Variants in RUNX1 observed in about 807,000 individuals in gnomAD.
RUNX1 encodes the protein RUNX family transcription factor 1.
Under a neutral mutation model 42.8 loss-of-function variants are expected in RUNX1, and 19 were observed. The ratio of observed to expected loss-of-function variants is 0.44; its 90% CI spans 0.31 to 0.65. The LOEUF (loss-of-function observed/expected upper bound fraction) is 0.65. Among genes scored for constraint, RUNX1 ranks in the 30% least tolerant of loss-of-function variants. The pLI is 0.07. For synonymous variants in RUNX1, 271 were observed against 289.4 expected (o/e 0.94, Z 0.64); for missense variants, 528 against 672.0 (o/e 0.79, Z 2.37).
intron 4 of RUNX1, among the ~76,000 whole-genome samples, chr21:34,882,509 ATAG>A (rs1476201329): frequency 3.3e-5 from 5 of 152,130 alleles, no homozygotes; most frequent in African/African-American, 1.2e-4. Flanking sequence ...TGTTTTCCAT[ATAG>A]GAGATTTTAA....
chr21:35,034,270 C>A (rs986950396), intron 2 of RUNX1, among the ~76,000 whole-genome samples: 1 of 152,212 alleles, frequency 6.6e-6, no homozygotes, highest in Non-Finnish European at 1.5e-5. Context: ...GCCAGCAGGC[C>A]AGAGTCATGG....
intron 6 of RUNX1, among the ~76,000 whole-genome samples, chr21:34,845,761 T>G (rs2057306114): frequency 6.6e-6 from 1 of 151,634 alleles, no homozygotes; most frequent in African/African-American, 2.4e-5. Context: ...CTTCATTTTC[T>G]CAGCAGCTGC....
rs143907831 is a variant in RUNX1, at chr21:34,931,234, A to G, written c.59-38271T>C. On this transcript the variant is annotated intron_variant, in intron 2 of 8. Transcript: ENST00000675419. ...ACTTCTTTAGAATCCCTCCAATAAT[A>G]TTATTATTTTTCTAAGCGTCTGGAA... is the stretch of plus-strand genomic sequence containing the variant. Among the ~76,000 whole-genome samples the G allele has an allele frequency of 1.2e-3, 175 of 151,444 alleles. 3 individuals carry two copies. Among genetic ancestry groups the G allele is most frequent in the Middle Eastern group, 0.01 (3 of 292 alleles).
intron 2 of RUNX1, among the ~76,000 whole-genome samples, chr21:35,009,796 ACT>A (rs918522282): frequency 2.2e-4 from 33 of 152,150 alleles, no homozygotes; most frequent in African/African-American, 8.0e-4. Context: ...TTAAAGGGTG[ACT>A]CTAATTTTTT....
intron 2 of RUNX1, among the ~76,000 whole-genome samples, chr21:34,966,982 A>G (rs1045122388): frequency 1.3e-5 from 2 of 152,126 alleles, no homozygotes; most frequent in Admixed American, 1.3e-4. Context: ...TCATGCAATT[A>G]TCCAATTTCT....
chr21:34,852,169 A>AAAAACAAAACAAAAC (rs3831802), intron 6 of RUNX1, among the ~76,000 whole-genome samples: 3 of 150,974 alleles, frequency 2.0e-5, no homozygotes, highest in Non-Finnish European at 3.0e-5. Flanking sequence ...CTCTGTCTCA[A>AAAAACAAAACAAAAC]AAAACAAAAC....
intron 5 of RUNX1, among the ~76,000 whole-genome samples, chr21:34,867,649 GATGTTCTC>G (rs1398260201): frequency 2.6e-5 from 4 of 152,170 alleles, no homozygotes; most frequent in African/African-American, 7.2e-5. Context: ...AAAACACCAT[GATGTTCTC>G]ATGCAATCTT....
chr21:34,959,352 C>G (rs1292276217), intron 2 of RUNX1, among the ~76,000 whole-genome samples: 1 of 152,166 alleles, frequency 6.6e-6, no homozygotes, highest in African/African-American at 2.4e-5. Flanking sequence ...CGCAAGCTCT[C>G]TGTCCCTCAG....
At position 34,789,238 on chromosome 21, in the gene RUNX1, G is replaced by C. The variant is rs910771558; in HGVS notation, c.*2897C>G. Reference sequence around the variant, plus strand: ...TGTTCTGAAATTTGGTACTGGGTGGGGGTATGTGCTATCTGCTTAAGAGAA... The same window carrying C: ...TGTTCTGAAATTTGGTACTGGGTGGCGGTATGTGCTATCTGCTTAAGAGAA... On this transcript the variant is annotated 3_prime_UTR_variant, in exon 9 of 9. Transcript: ENST00000675419. 1.7e-5 allele frequency: 4 copies of C among 233,398 alleles called. No individual in the cohort carries two copies. Among genetic ancestry groups the C allele is most frequent in the Non-Finnish European group, 8.5e-6 (1 of 118,174 alleles). The allele number at this position is 233,398 out of a possible 1,614,324, so 14.5% of individuals were successfully genotyped here.
chr21:34,864,722 C>A (rs528039274), intron 5 of RUNX1, among the ~76,000 whole-genome samples: 1 of 152,218 alleles, frequency 6.6e-6, no homozygotes, highest in East Asian at 1.9e-4. Context: ...ACCCTGACCA[C>A]CACAGCAGCA....
chr21:34,962,350 G>A (rs2146710258), intron 2 of RUNX1, among the ~76,000 whole-genome samples: 1 of 152,334 alleles, frequency 6.6e-6, no homozygotes, highest in Admixed American at 6.5e-5. Flanking sequence ...ACAACTAAGA[G>A]TTTGTTTAGA....
At chr21:34,845,759 T>A (rs914708603) in intron 6 of RUNX1, among the ~76,000 whole-genome samples, 16 of 152,142 alleles carry the variant, frequency 1.1e-4, no homozygotes, top group Non-Finnish European at 2.1e-4. Flanking sequence ...TCCTTCATTT[T>A]CTCAGCAGCT....
chr21:35,007,606 G>A (rs762758419), intron 2 of RUNX1, among the ~76,000 whole-genome samples: 45 of 152,218 alleles, frequency 3.0e-4, no homozygotes, highest in Non-Finnish European at 1.6e-4. Context: ...CAGCCCTTTT[G>A]GGTACCAGAG....
At chr21:34,922,193 G>A (rs1412126407) in intron 2 of RUNX1, among the ~76,000 whole-genome samples, 1 of 152,128 alleles carries the variant, frequency 6.6e-6, no homozygotes, top group East Asian at 1.9e-4. Context: ...CTGGTGCTCT[G>A]TGTGCCACAA....
chr21:34,831,528 C>T (rs1340410641), intron 7 of RUNX1, among the ~76,000 whole-genome samples: 1 of 152,154 alleles, frequency 6.6e-6, no homozygotes, highest in Non-Finnish European at 1.5e-5. Context: ...GGTTCCTGAG[C>T]CTTTCTATAA....
At chr21:35,000,532 A>G (rs996953027) in intron 2 of RUNX1, among the ~76,000 whole-genome samples, 2 of 151,906 alleles carry the variant, frequency 1.3e-5, no homozygotes, top group African/African-American at 2.4e-5. Flanking sequence ...GAGCCACCGC[A>G]CCCAGCCTCA....
At chr21:34,819,641 A>T (rs552250972) in intron 7 of RUNX1, among the ~76,000 whole-genome samples, 16 of 152,204 alleles carry the variant, frequency 1.1e-4, no homozygotes, top group Non-Finnish European at 2.4e-4. Context: ...CGTCACAGGG[A>T]TGCCTTCATC....
chr21:35,014,173 T>C (rs2059143897), intron 2 of RUNX1, among the ~76,000 whole-genome samples: 1 of 152,186 alleles, frequency 6.6e-6, no homozygotes, highest in Non-Finnish European at 1.5e-5. Context: ...AATTAATATC[T>C]TAGTTATCTT....
chr21:34,799,518 G>A (rs2056579490), intron 7 of RUNX1, 56 bp from the exon 8 acceptor site: 2 of 1,510,814 alleles, frequency 1.3e-6, no homozygotes, highest in Non-Finnish European at 1.8e-6. Flanking sequence ...TTTAAAAAAT[G>A]TCTTTTAATA....
Sources: gnomAD v4.1 joint callset for allele counts (sites outside exome capture counted in the v4.1 genomes callset) on GRCh38, gnomAD v4.1.1 for gene constraint, MANE v1.5 for transcripts, NCBI Gene and HGNC (gene_info 2026-07-23, HGNC 2026-07-21) for gene names.